AVL9: variants seen among roughly 807,000 people sequenced by gnomAD.
AVL9 encodes late secretory pathway protein AVL9 homolog.
Under a neutral mutation model 79.2 loss-of-function variants are expected in AVL9, and 49 were observed. That is an observed-to-expected ratio of 0.62 (90% CI 0.49 to 0.79). The LOEUF (loss-of-function observed/expected upper bound fraction) is 0.79. Among genes scored for constraint, AVL9 ranks in the 30% least tolerant of loss-of-function variants. AVL9 has a pLI of 0.00. For missense variants in AVL9, 682 were observed against 776.8 expected, an observed-to-expected ratio of 0.88 and a Z score of 1.45; for synonymous variants, 299 against 280.6, an observed-to-expected ratio of 1.07 and a Z score of -0.65.
chr7:32,531,607 C>A (rs1198956947), intron 1 of AVL9: 1 of 152,094 alleles, frequency 6.6e-6, no homozygotes, highest in Admixed American at 6.5e-5. Flanking sequence ...GTTCTCAACT[C>A]CTCGCAGGAG....
rs975507309 is a variant in AVL9, at chr7:32,495,620, C to T, written c.-90C>T. The T allele has an allele frequency of 2.3e-6, 2 of 866,476 alleles. No individual in the cohort carries two copies. Among genetic ancestry groups the T allele is most frequent in the South Asian group, 5.7e-5 (1 of 17,594 alleles). 53.7% of individuals were successfully genotyped at this position (866,476 alleles called of 1,614,324 possible). On this transcript the variant is annotated 5_prime_UTR_variant, in exon 1 of 16. Transcript: ENST00000318709. ...CTCATGTGCTGTGCTCGCTGACACCCGAAGTCCGCGGCTTTCCGCACACGG... is the reference window on the plus strand; with the variant it reads ...CTCATGTGCTGTGCTCGCTGACACCTGAAGTCCGCGGCTTTCCGCACACGG...
intron 1 of AVL9, among the ~76,000 whole-genome samples, chr7:32,504,884 A>AT (rs141731706): frequency 0.15 from 22,621 of 151,636 alleles, 1,713 homozygotes; most frequent in East Asian, 0.18. Flanking sequence ...TATTTTATTT[A>AT]TTTTTTTGAG....
intron 15 of AVL9, chr7:32,581,790 T>C (rs1348012177): frequency 6.6e-6 from 1 of 152,224 alleles, no homozygotes; most frequent in Non-Finnish European, 1.5e-5. Flanking sequence ...CAGTCCAGCC[T>C]GGGTGACAGG....
chr7:32,550,370 G>A (rs1166948681), intron 4 of AVL9, among the ~76,000 whole-genome samples: 2 of 150,916 alleles, frequency 1.3e-5, no homozygotes, highest in African/African-American at 4.9e-5. Context: ...TAAAATTGGG[G>A]TAAAAAAATC....
Position 32,549,896 on chromosome 7 carries a change from G to C in AVL9, c.372+978G>C, listed in dbSNP as rs188588972. Reference sequence around the variant, plus strand: ...GATCAGCCACTGCACTCCAGCCTGGGCGACAGAGGGAGACTCCGTCTCAAA... The same window carrying C: ...GATCAGCCACTGCACTCCAGCCTGGCCGACAGAGGGAGACTCCGTCTCAAA... On this transcript the variant is annotated intron_variant, in intron 4 of 15. Coordinates refer to ENST00000318709, the MANE Select transcript of AVL9 (RefSeq NM_015060.3). 6.7e-3 allele frequency among the ~76,000 whole-genome samples: 910 copies of C among 135,228 alleles called. 8 individuals carry two copies. The highest frequency in any genetic ancestry group is 0.023 in the African/African-American group (865 of 36,828). The allele number at this position is 135,228 out of a possible 152,430, so 88.7% of individuals were successfully genotyped here.
At chr7:32,560,892 A>G (rs1376016862) in intron 10 of AVL9, among the ~76,000 whole-genome samples, 2 of 152,228 alleles carry the variant, frequency 1.3e-5, no homozygotes, top group Admixed American at 1.3e-4. Context: ...CTCCTTGTAC[A>G]TCTTCATTAG....
At chr7:32,553,622 C>CTT in intron 6 of AVL9, 105 bp from the exon 7 acceptor site, 9 of 607,020 alleles carry the variant, frequency 1.5e-5, no homozygotes, top group African/African-American at 7.5e-5. Context: ...CATATTCCTA[C>CTT]TTTTTTTTTT....
intron 13 of AVL9, among the ~76,000 whole-genome samples, chr7:32,577,327 A>G (rs776806511): frequency 2.0e-5 from 3 of 152,220 alleles, no homozygotes; most frequent in African/African-American, 7.2e-5. Context: ...TTCAACACCA[A>G]TTTTGGTGAA....
chr7:32,550,701 T>C (rs919388536), intron 4 of AVL9, among the ~76,000 whole-genome samples: 1 of 152,004 alleles, frequency 6.6e-6, no homozygotes, highest in African/African-American at 2.4e-5. Flanking sequence ...AATAGAGAAA[T>C]AAGCATTAAG....
intron 15 of AVL9, chr7:32,581,435 A>T (rs1020236623): frequency 1.3e-5 from 2 of 152,400 alleles, no homozygotes; most frequent in African/African-American, 2.4e-5. Flanking sequence ...GAACAACTTT[A>T]TGCTAACCAG....
chr7:32,501,624 G>GGAGT (rs552845434), intron 1 of AVL9, among the ~76,000 whole-genome samples: 250 of 152,340 alleles, frequency 1.6e-3, no homozygotes, highest in Admixed American at 2.4e-3. Flanking sequence ...GTGGCTAAGC[G>GGAGT]GAGTGGGTGT....
At chr7:32,567,242 C>T (rs1790623830) in intron 10 of AVL9, among the ~76,000 whole-genome samples, 1 of 152,094 alleles carries the variant, frequency 6.6e-6, no homozygotes, top group Non-Finnish European at 1.5e-5. Flanking sequence ...GCTGGGACCA[C>T]AGATGCAGGC....
chr7:32,561,943 T>C (rs2128143268), intron 10 of AVL9, among the ~76,000 whole-genome samples: 1 of 152,284 alleles, frequency 6.6e-6, no homozygotes, highest in African/African-American at 2.4e-5. Context: ...GAGACAGGAA[T>C]GGCCAGTCAG....
chr7:32,582,252 C>A (rs1240457366), intron 15 of AVL9, among the ~76,000 whole-genome samples: 1 of 152,188 alleles, frequency 6.6e-6, no homozygotes, highest in Non-Finnish European at 1.5e-5. Context: ...TAGGGCATTA[C>A]TACTTCCCTA....
At chr7:32,566,817 A>G (rs1583587232) in intron 10 of AVL9, among the ~76,000 whole-genome samples, 1 of 152,248 alleles carries the variant, frequency 6.6e-6, no homozygotes, top group East Asian at 1.9e-4. Context: ...CGGGAGGCGG[A>G]GCTTGCAGTG....
chr7:32,520,079 A>T (rs1788076909), intron 1 of AVL9, among the ~76,000 whole-genome samples: 1 of 152,232 alleles, frequency 6.6e-6, no homozygotes, highest in Admixed American at 6.5e-5. Flanking sequence ...TTATGATTCA[A>T]CATGAGATTT....
chr7:32,558,875 A>C, intron 9 of AVL9, 54 bp from the exon 10 acceptor site: 2 of 1,443,904 alleles, frequency 1.4e-6, no homozygotes, highest in Non-Finnish European at 9.3e-7. Flanking sequence ...TATAGCTCTC[A>C]GGTTCTTCCA....
At chr7:32,519,484 A>G (rs1441941663) in intron 1 of AVL9, among the ~76,000 whole-genome samples, 1 of 152,012 alleles carries the variant, frequency 6.6e-6, no homozygotes, top group African/African-American at 2.4e-5. Flanking sequence ...AAGCTAGTTC[A>G]GATGCCTTTT....
chr7:32,577,483 A>G (rs1246808316), intron 13 of AVL9, among the ~76,000 whole-genome samples: 5 of 152,214 alleles, frequency 3.3e-5, no homozygotes, highest in Admixed American at 3.3e-4. Flanking sequence ...CAAAGTCTCT[A>G]TTCTCAGCGT....
Sources: allele counts gnomAD v4.1 joint callset (sites outside exome capture counted in the v4.1 genomes callset), GRCh38; gene constraint gnomAD v4.1.1; transcripts MANE v1.5; gene names NCBI Gene and HGNC (gene_info 2026-07-23, HGNC 2026-07-21).